The following COL22A1 variants were observed in gnomAD, a reference collection of about 807,000 sequenced individuals.
The protein encoded by COL22A1 is collagen alpha-1(XXII) chain.
A neutral mutation model predicts 248.9 loss-of-function variants in COL22A1; 221 were observed. That is an observed-to-expected ratio of 0.89 (90% confidence interval 0.80 to 0.99). COL22A1 has a LOEUF of 0.99. Among genes scored for constraint, COL22A1 ranks in the 50% least tolerant of loss-of-function variants. COL22A1 has a pLI of 0.00. For synonymous variants in COL22A1, 891 were observed against 793.4 expected, an observed-to-expected ratio of 1.12 and a Z score of -2.07; for missense variants, 2,240 against 2,179.0, an observed-to-expected ratio of 1.03 and a Z score of -0.56.
At chr8:138,613,833 A>C in intron 56 of COL22A1, 34 bp downstream of exon 56, 2 of 1,588,750 alleles carry the variant, frequency 1.3e-6, no homozygotes, top group African/African-American at 1.3e-5. Context: ...TCCTGTAATA[A>C]CATGAAGCAC....
intron 30 of COL22A1, among the ~76,000 whole-genome samples, chr8:138,711,770 G>A (rs1297780931): frequency 6.6e-6 from 1 of 152,162 alleles, no homozygotes; most frequent in Non-Finnish European, 1.5e-5. Flanking sequence ...GGAGAATGGG[G>A]CACCCTGAAA....
chr8:138,743,613 T>C (rs1228988398), intron 22 of COL22A1, among the ~76,000 whole-genome samples: 1 of 152,158 alleles, frequency 6.6e-6, no homozygotes, highest in East Asian at 1.9e-4. Flanking sequence ...ATAACTGGTT[T>C]CAAAGATTTG....
At chr8:138,679,550 A>G in intron 40 of COL22A1, 67 bp downstream of exon 40, 1 of 1,373,498 alleles carries the variant, frequency 7.3e-7, no homozygotes, top group African/African-American at 1.4e-5. Context: ...TTTTGTTGTT[A>G]TAAAGCTGCC....
chr8:138,603,212 T>C (rs1455216356), intron 59 of COL22A1, among the ~76,000 whole-genome samples: 1 of 152,182 alleles, frequency 6.6e-6, no homozygotes, highest in Non-Finnish European at 1.5e-5. Context: ...ATGGTCCTCA[T>C]CCTCACAGAG....
intron 16 of COL22A1, among the ~76,000 whole-genome samples, chr8:138,771,801 C>T (rs1170757382): frequency 6.6e-6 from 1 of 152,202 alleles, no homozygotes; most frequent in African/African-American, 2.4e-5. Flanking sequence ...AACGGAGGCT[C>T]CAGTAGCTGT....
At chr8:138,909,749 G>A (rs772223578) in intron 1 of COL22A1, among the ~76,000 whole-genome samples, 4 of 152,080 alleles carry the variant, frequency 2.6e-5, no homozygotes, top group Non-Finnish European at 4.4e-5. Context: ...GGGCATCTTC[G>A]CAACCACAAT....
At position 138,800,176 on chromosome 8, in the gene COL22A1, C is replaced by T. The variant is rs576247357; in HGVS notation, c.1557+2696G>A. Among the ~76,000 whole-genome samples, 263 of 152,298 alleles carry T rather than the reference C, an allele frequency of 1.7e-3. 4 individuals carry two copies. Among genetic ancestry groups the T allele is most frequent in the Non-Finnish European group, 1.8e-4 (12 of 68,032 alleles). Reference sequence around the variant, plus strand: ...GGCTGGGAAGGAGCAGTAGCCTCTGCTTTTCTCAGCTTGCATCCTTCACTG... The same window carrying T: ...GGCTGGGAAGGAGCAGTAGCCTCTGTTTTTCTCAGCTTGCATCCTTCACTG... On this transcript the variant is annotated intron_variant, in intron 11 of 64. Transcript: ENST00000303045.
intron 3 of COL22A1, among the ~76,000 whole-genome samples, chr8:138,847,184 T>C (rs1393861758): frequency 6.6e-6 from 1 of 152,198 alleles, no homozygotes; most frequent in Non-Finnish European, 1.5e-5. Flanking sequence ...CTCACCTCTG[T>C]ATGGCCACTG....
At chr8:138,843,429 C>G (rs1021886024) in intron 4 of COL22A1, among the ~76,000 whole-genome samples, 1 of 152,176 alleles carries the variant, frequency 6.6e-6, no homozygotes, top group Admixed American at 6.5e-5. Flanking sequence ...GGCTGCTGTT[C>G]TGCAGTGGCT....
At position 138,821,166 on chromosome 8, in the gene COL22A1, G is replaced by T. The variant is rs1819086934; in HGVS notation, c.1215C>A (p.Gly405=). The T allele has an allele frequency of 7.4e-6, 12 of 1,613,996 alleles. No homozygotes were observed. The East Asian group carries it at 2.7e-4, about 36-fold the overall frequency. ...TGGGCACACTGTCGTAGAGGCGCTT[G>T]CCAATCACAGTCTTGCCCTGGATGT... ...NIDIQGKTVI[G]KRLYDSVPID... The change falls in exon 7 of 65, where the codon GGC becomes GGA. Residue 405 remains glycine (G), a synonymous_variant. Transcript: ENST00000303045.
intron 18 of COL22A1, among the ~76,000 whole-genome samples, chr8:138,759,972 C>G (rs1833321381): frequency 6.6e-6 from 1 of 151,648 alleles, no homozygotes; most frequent in East Asian, 1.9e-4. Context: ...TATTATATAA[C>G]AGAACTTTAT....
intron 10 of COL22A1, among the ~76,000 whole-genome samples, chr8:138,803,189 T>C (rs1004455275): frequency 2.6e-5 from 4 of 152,204 alleles, no homozygotes; most frequent in Non-Finnish European, 4.4e-5. Flanking sequence ...ACATTCATCC[T>C]TGGGAATGGC....
chr8:138,864,979 C>T (rs1471312737), intron 3 of COL22A1, among the ~76,000 whole-genome samples: 1 of 152,250 alleles, frequency 6.6e-6, no homozygotes, highest in Non-Finnish European at 1.5e-5. Context: ...ATGAGCTCCT[C>T]TTATTACCTT....
At chr8:138,890,451 C>A (rs11998363) in intron 1 of COL22A1, among the ~76,000 whole-genome samples, 146,055 of 152,234 alleles carry the variant, frequency 0.96, 70,095 homozygotes, top group East Asian at 1. Context: ...TGCAGATGGC[C>A]TTATCTTTTT....
chr8:138,680,606 T>G (rs1825883711), intron 39 of COL22A1, among the ~76,000 whole-genome samples: 1 of 152,172 alleles, frequency 6.6e-6, no homozygotes, highest in South Asian at 2.1e-4. Flanking sequence ...GAAATTTCCT[T>G]AATTTCAATC....
At position 138,663,731 on chromosome 8, in the gene COL22A1, C is replaced by T. The variant is rs768586086; in HGVS notation, c.3160G>A (p.Gly1054Arg). ...IGVAGPPGPS[G>R]PPGDKGSPGS... ...GGGGATCCTTTGTCTCCTGGTGGTC[C>T]GGAAGGGCCCTAGAAACAAACAAAC... The change falls in exon 42 of 65, where the codon GGA becomes AGA. Residue 1054 changes from glycine to arginine, a missense_variant. Coordinates refer to ENST00000303045, the MANE Select transcript of COL22A1 (RefSeq NM_152888.3). The T allele has an allele frequency of 5.6e-6, 9 of 1,610,622 alleles. No homozygotes were observed. In the East Asian group the frequency reaches 6.7e-5, roughly 12 times the overall value.
At chr8:138,722,851 G>C (rs1829979650) in intron 25 of COL22A1, among the ~76,000 whole-genome samples, 1 of 15,488 alleles carries the variant, frequency 6.5e-5, no homozygotes, top group East Asian at 9.3e-4. Flanking sequence ...ACATGGGGGC[G>C]GGGGGGGGGT....
intron 9 of COL22A1, among the ~76,000 whole-genome samples, chr8:138,809,273 T>A (rs913695792): frequency 3.9e-5 from 6 of 152,156 alleles, no homozygotes; most frequent in Non-Finnish European, 8.8e-5. Flanking sequence ...GCTCCTGGTT[T>A]CCTAACCAGA....
chr8:138,883,740 G>A (rs1824425336), intron 1 of COL22A1, among the ~76,000 whole-genome samples: 1 of 114,046 alleles, frequency 8.8e-6, no homozygotes, highest in Admixed American at 8.4e-5. Flanking sequence ...CTGCCACCAT[G>A]TAAGAAGCAC....
Sources: allele counts gnomAD v4.1 joint callset (sites outside exome capture counted in the v4.1 genomes callset), GRCh38; gene constraint gnomAD v4.1.1; transcripts MANE v1.5; gene names NCBI Gene and HGNC (gene_info 2026-07-23, HGNC 2026-07-21).